The following JHY variants were observed in gnomAD, a reference collection of about 807,000 sequenced individuals.
JHY encodes jhy protein homolog.
JHY carries 69 observed loss-of-function variants against 78.0 expected under a neutral mutation model. The observed-to-expected ratio is 0.88, with a 90% CI of 0.73 to 1.08. The LOEUF (loss-of-function observed/expected upper bound fraction) is 1.08. JHY is among the 50% of genes least tolerant of loss of function. The pLI, the probability that JHY is intolerant of heterozygous loss-of-function variation, is 0.00. For missense variants in JHY, 944 were observed against 927.8 expected (o/e 1.02, Z -0.23); for synonymous variants, 368 against 342.6 (o/e 1.07, Z -0.82).
Position 122,963,655 on chromosome 11 carries a change from G to T in JHY, c.*4210G>T, listed in dbSNP as rs1456234873. On this transcript the variant is annotated 3_prime_UTR_variant, in exon 9 of 9. Coordinates refer to ENST00000227349, the MANE Select transcript of JHY (RefSeq NM_024806.4). Reference sequence around the variant, plus strand: ...AGTGATCTTTTATAGGCCCAAGTTGGATCAGTGATCAATTCATAGCATTTC... The same window carrying T: ...AGTGATCTTTTATAGGCCCAAGTTGTATCAGTGATCAATTCATAGCATTTC... Among the ~76,000 whole-genome samples the T allele has an allele frequency of 6.6e-6, 1 of 152,090 alleles. No individual in the cohort carries two copies. The highest frequency in any genetic ancestry group is 1.5e-5 in the Non-Finnish European group (1 of 68,002).
chr11:122,930,874 T>C (rs573572006), intron 4 of JHY, among the ~76,000 whole-genome samples: 1 of 152,292 alleles, frequency 6.6e-6, no homozygotes, highest in South Asian at 2.1e-4. Flanking sequence ...ATAGATCAGG[T>C]GGCTTAGAAA....
intron 8 of JHY, chr11:122,958,777 C>T: frequency 1.0e-6 from 1 of 985,112 alleles, no homozygotes; most frequent in Non-Finnish European, 1.2e-6. Context: ...CAAATACTTT[C>T]TAGATCCTAG....
chr11:122,925,075 T>C (rs1378174300), intron 4 of JHY, 65 bp downstream of exon 4: 6 of 1,218,030 alleles, frequency 4.9e-6, no homozygotes, highest in Non-Finnish European at 7.2e-6. Context: ...GTAATGATCG[T>C]GACTGAGTTC....
rs750781776 is a variant in JHY at position 122,956,498 on chromosome 11, C to A, written c.1932C>A (p.Asn644Lys). The change falls in exon 7 of 9, where the codon AAC becomes AAA. Residue 644 changes from asparagine to lysine, a missense_variant and splice_region_variant. Physicochemically the swap from Asn to Lys is moderately conservative, Grantham distance 94 (BLOSUM62 0). Transcript: ENST00000227349. Reference protein sequence around the residue: ...KKHKKRSSSKNTKLKGYQKRD... With the variant: ...KKHKKRSSSKKTKLKGYQKRD... ...TGTTTCTGTGGTTGTATTTTTAGAA[C>A]ACCAAGCTGAAAGGTTATCAGAAAA... is the stretch of plus-strand genomic sequence containing the variant. 2.5e-6 allele frequency: 4 copies of A among 1,612,996 alleles called. No homozygotes were observed. Among genetic ancestry groups the A allele is most frequent in the Non-Finnish European group, 3.4e-6 (4 of 1,179,372 alleles).
At chr11:122,911,905 C>CAAAAAAAAA (rs59941995) in intron 3 of JHY, among the ~76,000 whole-genome samples, 17 of 49,722 alleles carry the variant, frequency 3.4e-4, no homozygotes, top group African/African-American at 8.9e-4. Context: ...AACTCTGTCT[C>CAAAAAAAAA]AAAAAAAAAA....
At chr11:122,914,924 C>T (rs778328026) in intron 3 of JHY, among the ~76,000 whole-genome samples, 8 of 151,808 alleles carry the variant, frequency 5.3e-5, no homozygotes, top group Admixed American at 1.3e-4. Flanking sequence ...TTTTTCAATA[C>T]GAGCCATTTT....
chr11:122,921,902 C>G (rs1353516618), intron 3 of JHY, among the ~76,000 whole-genome samples: 10 of 152,014 alleles, frequency 6.6e-5, no homozygotes, highest in Non-Finnish European at 8.8e-5. Flanking sequence ...GAGAACCGCT[C>G]GAGCCCAGGA....
At chr11:122,910,884 T>A (rs187112740) in intron 3 of JHY, among the ~76,000 whole-genome samples, 1 of 152,318 alleles carries the variant, frequency 6.6e-6, no homozygotes, top group African/African-American at 2.4e-5. Flanking sequence ...TACATTAACA[T>A]ACATTGGAAA....
Position 122,904,087 on chromosome 11 carries a change from G to A in JHY, c.507G>A (p.Thr169=), listed in dbSNP as rs992412552. ...PLAPLYPSQE[T]SMELSGGKGE... ...CTCCCCTCTACCCTTCCCAGGAGAC[G>A]TCAATGGAACTCTCCGGGGGAAAAG... The change falls in exon 3 of 9, where the codon ACG becomes ACA. Residue 169 remains threonine (T), a synonymous_variant. Coordinates refer to ENST00000227349, the MANE Select transcript of JHY (RefSeq NM_024806.4). 6.2e-7 allele frequency: 1 copy of A among 1,614,110 alleles called. No individual in the cohort carries two copies. The highest frequency in any genetic ancestry group is 1.1e-5 in the South Asian group (1 of 91,080).
chr11:122,902,852 C>T (rs1862891317), intron 2 of JHY, among the ~76,000 whole-genome samples: 1 of 152,144 alleles, frequency 6.6e-6, no homozygotes, highest in South Asian at 2.1e-4. Flanking sequence ...GCCCTACCTC[C>T]AACATTGGGG....
At chr11:122,950,528 A>G (rs1482617975) in intron 6 of JHY, among the ~76,000 whole-genome samples, 3 of 152,178 alleles carry the variant, frequency 2.0e-5, no homozygotes, top group South Asian at 2.1e-4. Flanking sequence ...CTAGGTTCTC[A>G]TCTCTGTTCC....
rs1864266424 is a variant in JHY at position 122,959,528 on chromosome 11, A to G, written c.*83A>G. 7 of 1,292,838 alleles carry G rather than the reference A, an allele frequency of 5.4e-6. No individual in the cohort carries two copies. Among genetic ancestry groups the G allele is most frequent in the Non-Finnish European group, 6.5e-6 (6 of 917,966 alleles). 80.1% of individuals were successfully genotyped at this position (1,292,838 alleles called of 1,614,324 possible). A position where few individuals can be genotyped will look rare whatever the true frequency, so the allele number is the denominator to read the frequency against. ...AACGCCAACCACCTTCTCTGCGTTG[A>G]GAGTAATGGCCTATTATTATCATCT... On this transcript the variant is annotated 3_prime_UTR_variant, in exon 9 of 9. Transcript: ENST00000227349.
intron 1 of JHY, among the ~76,000 whole-genome samples, chr11:122,884,583 C>T (rs1378026993): frequency 6.6e-6 from 1 of 152,112 alleles, no homozygotes; most frequent in Non-Finnish European, 1.5e-5. Flanking sequence ...TTCCATGGCT[C>T]TTTATAATGA....
In JHY at chr11:122,934,899, C is replaced by T. The variant is rs1194195771; in HGVS notation, c.1458C>T (p.His486=). The T allele has an allele frequency of 3.1e-6, 5 of 1,614,056 alleles. No homozygotes were observed. Among genetic ancestry groups the T allele is most frequent in the South Asian group, 2.2e-5 (2 of 91,084 alleles). Residue 486 remains histidine, a synonymous_variant, in exon 5 of 9, where the codon CAC becomes CAT. Transcript: ENST00000227349. ...AAAGATTTTCATATCAGCAGCTACA[C>T]ACCCTTTCTGACATGGATTTGAACA... ...EEKRFSYQQL[H]TLSDMDLNNL... is the part of the protein sequence containing the mutation.
chr11:122,905,009 A>T (rs1310916719), intron 3 of JHY, among the ~76,000 whole-genome samples: 1 of 151,896 alleles, frequency 6.6e-6, no homozygotes, highest in Admixed American at 6.6e-5. Context: ...GTAGGGTACA[A>T]CATAAGGTGG....
rs1231770064 is a variant in JHY, at chr11:122,883,464, A to G, written c.-90+492A>G. 6.6e-6 allele frequency among the ~76,000 whole-genome samples: 1 copy of G among 152,104 alleles called. No homozygotes were observed. Among genetic ancestry groups the G allele is most frequent in the Non-Finnish European group, 1.5e-5 (1 of 68,014 alleles). ...TGTCCCATGCTAGTGGACTAGACCC[A>G]CTGCAGGGATCCCTGGGGAGCTGGC... On this transcript the variant is annotated intron_variant, in intron 1 of 8. Coordinates refer to ENST00000227349, the MANE Select transcript of JHY (RefSeq NM_024806.4). The surrounding 1 kb of genome is among the most constrained non-coding windows in gnomAD (Gnocchi z 4.4).
chr11:122,892,353 T>C (rs3107616), intron 2 of JHY, among the ~76,000 whole-genome samples: 142,587 of 150,738 alleles, frequency 0.95, 67,518 homozygotes, highest in Middle Eastern at 0.98. Context: ...GATGGAGTCT[T>C]GCATTGTCAC....
chr11:122,939,587 G>C (rs1393575500), intron 5 of JHY, among the ~76,000 whole-genome samples: 2 of 152,014 alleles, frequency 1.3e-5, no homozygotes, highest in African/African-American at 4.8e-5. Flanking sequence ...ATTTTGATTT[G>C]CATTTGAGAG....
At chr11:122,896,079 C>T (rs1210541309) in intron 2 of JHY, among the ~76,000 whole-genome samples, 1 of 152,130 alleles carries the variant, frequency 6.6e-6, no homozygotes. Flanking sequence ...TCAGGCTCTA[C>T]CCTTATATAT....
Sources: allele counts gnomAD v4.1 joint callset (sites outside exome capture counted in the v4.1 genomes callset), GRCh38; gene constraint gnomAD v4.1.1; non-coding constraint Gnocchi (gnomAD v3.1); transcripts MANE v1.5; gene names NCBI Gene and HGNC (gene_info 2026-07-23, HGNC 2026-07-21).